NMD3: variants seen among roughly 807,000 people sequenced by gnomAD.
NMD3 encodes the protein NMD3 ribosome export adaptor.
In NMD3, 47 loss-of-function variants were observed where a neutral mutation model predicts 73.1. The ratio of observed to expected loss-of-function variants is 0.64; its 90% CI spans 0.51 to 0.82. The LOEUF (loss-of-function observed/expected upper bound fraction) is 0.82. NMD3 is among the 40% of genes least tolerant of loss of function. NMD3 has a pLI of 0.00. For synonymous variants in NMD3, 210 were observed against 194.5 expected (o/e 1.08, Z -0.66); for missense variants, 554 against 612.5 (o/e 0.90, Z 1.01).
Position 161,250,344 on chromosome 3 carries a change from G to A in NMD3, c.1381+18G>A, listed in dbSNP as rs1737433328. On this transcript the variant is annotated intron_variant, in intron 15 of 15. Transcript: ENST00000351193. ...TTACAGAGGTTGGTGTTCTAGGAGT[G>A]TTTAAGTCATTTGTTCTGTATATAA... 2 of 1,500,410 alleles carry A rather than the reference G, an allele frequency of 1.3e-6. No individual in the cohort carries two copies. Among genetic ancestry groups the A allele is most frequent in the African/African-American group, 1.4e-5 (1 of 72,380 alleles). 92.9% of individuals were successfully genotyped at this position (1,500,410 alleles called of 1,614,324 possible).
rs1306821411 is a variant in NMD3 at position 161,251,122 on chromosome 3, G to T, written c.*212G>T. On this transcript the variant is annotated 3_prime_UTR_variant, in exon 16 of 16. Transcript: ENST00000351193. ...AGGAAAGATTATGGAGAATGTAGTT[G>T]TTATTGATTTTTGGCAATTTTACAT... 1 of 379,080 alleles carries T rather than the reference G, an allele frequency of 2.6e-6. No individual in the cohort carries two copies. Among genetic ancestry groups the T allele is most frequent in the Non-Finnish European group, 4.8e-6 (1 of 209,242 alleles). The allele number at this position is 379,080 out of a possible 1,614,324, so 23.5% of individuals were successfully genotyped here.
In NMD3 at chr3:161,252,289, C is replaced by T. The variant is rs1230391549; in HGVS notation, c.*1379C>T. Reference sequence around the variant, plus strand: ...GCATGAAAATAAAGCCATTCTTGCCCTTTTTCGTGTGTTTGAAATGGTCGC... The same window carrying T: ...GCATGAAAATAAAGCCATTCTTGCCTTTTTTCGTGTGTTTGAAATGGTCGC... On this transcript the variant is annotated 3_prime_UTR_variant, in exon 16 of 16. Transcript: ENST00000351193. 6.6e-6 allele frequency: 1 copy of T among 152,018 alleles called. No individual in the cohort carries two copies. The highest frequency in any genetic ancestry group is 1.5e-5 in the Non-Finnish European group (1 of 68,002). 9.4% of individuals were successfully genotyped at this position (152,018 alleles called of 1,614,324 possible). A position where few individuals can be genotyped will look rare whatever the true frequency, so the allele number is the denominator to read the frequency against.
chr3:161,228,381 G>GT (rs1304317425), intron 4 of NMD3, among the ~76,000 whole-genome samples: 1 of 151,158 alleles, frequency 6.6e-6, no homozygotes, highest in Non-Finnish European at 1.5e-5. Context: ...AACCTTTTTG[G>GT]TTTTTTTCGC....
At chr3:161,243,259 T>C (rs1418817464) in intron 11 of NMD3, among the ~76,000 whole-genome samples, 12 of 152,162 alleles carry the variant, frequency 7.9e-5, no homozygotes, top group Non-Finnish European at 2.9e-5. Flanking sequence ...CAATAATTAA[T>C]AATAAAATAG....
intron 5 of NMD3, 123 bp from the exon 6 acceptor site, chr3:161,234,604 G>A: frequency 4.4e-6 from 3 of 678,656 alleles, no homozygotes; most frequent in Non-Finnish European, 7.1e-6. Context: ...GAGGACATTT[G>A]ATTGATGTCC....
At chr3:161,253,418 C>A (rs1480984974), downstream of NMD3, 2 of 152,102 alleles carry the variant, frequency 1.3e-5, no homozygotes, top group Non-Finnish European at 2.9e-5. Flanking sequence ...CGCAAGTATT[C>A]CCGGATACCA....
In NMD3 at chr3:161,235,115, A is replaced by G; in HGVS notation, c.487-7A>G. ...GGCATTTATTGATCAAATAATTTAT[A>G]TTTTAGACTTTGCATAAAAAAACTT... On this transcript the variant is annotated splice_polypyrimidine_tract_variant and splice_region_variant and intron_variant, in intron 6 of 15. Coordinates refer to ENST00000351193, the MANE Select transcript of NMD3 (RefSeq NM_015938.5). 3 of 1,376,458 alleles carry G rather than the reference A, an allele frequency of 2.2e-6. No homozygotes were observed. Among genetic ancestry groups the G allele is most frequent in the Admixed American group, 1.9e-5 (1 of 51,372 alleles). The allele number at this position is 1,376,458 out of a possible 1,614,324, so 85.3% of individuals were successfully genotyped here. A position where few individuals can be genotyped will look rare whatever the true frequency, so the allele number is the denominator to read the frequency against.
intron 14 of NMD3, chr3:161,249,765 A>T (rs1421277037): frequency 1.7e-6 from 1 of 586,198 alleles, no homozygotes; most frequent in Non-Finnish European, 3.0e-6. Context: ...CTGGTTTATG[A>T]CCTAATAATT....
At chr3:161,249,624 A>G in intron 14 of NMD3, 64 bp downstream of exon 14, 2 of 1,052,430 alleles carry the variant, frequency 1.9e-6, no homozygotes, top group Non-Finnish European at 2.9e-6. Context: ...AATACTTTTT[A>G]TGTTGTAAAG....
At chr3:161,227,593 G>A (rs1298305011) in intron 4 of NMD3, among the ~76,000 whole-genome samples, 2 of 151,330 alleles carry the variant, frequency 1.3e-5, no homozygotes, top group South Asian at 2.1e-4. Context: ...GATTATAGGC[G>A]CACACCACCA....
chr3:161,253,447 A>G (rs1711519792), downstream of NMD3: 1 of 152,208 alleles, frequency 6.6e-6, no homozygotes, highest in Admixed American at 6.5e-5. Context: ...GATTTGCCAA[A>G]TGTAAACAAT....
intron 15 of NMD3, 119 bp from the exon 16 acceptor site, chr3:161,250,661 A>C: frequency 1.6e-6 from 1 of 644,348 alleles, no homozygotes; most frequent in Non-Finnish European, 2.5e-6. Flanking sequence ...AGCTTCTGAT[A>C]CAATGTAGTT....
rs1325461961 is a variant in NMD3, at chr3:161,244,939, C to A, written c.1018-1397C>A. ...GCCCTAAATTTATTCAATGGGAGCC[C>A]CTTCAGAATGGTTCCTATGTTGTTT... On this transcript the variant is annotated intron_variant, in intron 11 of 15. Transcript: ENST00000351193. Among the ~76,000 whole-genome samples, 3 of 152,004 alleles carry A rather than the reference C, an allele frequency of 2.0e-5. No homozygotes were observed. The East Asian group carries it at 5.8e-4, about 30-fold the overall frequency.
intron 3 of NMD3, among the ~76,000 whole-genome samples, chr3:161,226,669 C>T (rs1736331431): frequency 6.6e-6 from 1 of 152,096 alleles, no homozygotes; most frequent in Non-Finnish European, 1.5e-5. Flanking sequence ...AGTGCTAAGT[C>T]CTGGGTAGGC....
intron 13 of NMD3, among the ~76,000 whole-genome samples, chr3:161,247,604 T>C (rs1447027557): frequency 6.6e-6 from 1 of 150,806 alleles, no homozygotes; most frequent in Non-Finnish European, 1.5e-5. Context: ...CTGACCAACA[T>C]GGAGAAACCC....
intron 5 of NMD3, 113 bp from the exon 6 acceptor site, chr3:161,234,614 C>T: frequency 1.2e-6 from 1 of 818,852 alleles, no homozygotes; most frequent in Non-Finnish European, 1.9e-6. Flanking sequence ...GATTGATGTC[C>T]TCAAAGCATT....
chr3:161,237,155 G>C (rs150302948), intron 7 of NMD3, among the ~76,000 whole-genome samples: 258 of 152,144 alleles, frequency 1.7e-3, no homozygotes, highest in Non-Finnish European at 2.7e-3. Flanking sequence ...TTTATGATGA[G>C]ATAATGTTGT....
chr3:161,243,963 G>T (rs574311819), intron 11 of NMD3, among the ~76,000 whole-genome samples: 1 of 151,586 alleles, frequency 6.6e-6, no homozygotes, highest in Non-Finnish European at 1.5e-5. Flanking sequence ...TCTGGCTTTA[G>T]CATCTGTTGA....
intron 11 of NMD3, 61 bp downstream of exon 11, chr3:161,242,714 C>A: frequency 2.7e-6 from 4 of 1,507,628 alleles, no homozygotes; most frequent in South Asian, 2.7e-5. Context: ...TTGTTTCAGT[C>A]CCTCTTTTAA....
Sources: allele counts gnomAD v4.1 joint callset (sites outside exome capture counted in the v4.1 genomes callset), GRCh38; gene constraint gnomAD v4.1.1; transcripts MANE v1.5; gene names NCBI Gene and HGNC (gene_info 2026-07-23, HGNC 2026-07-21).